Variants in SLC25A26 observed in about 807,000 individuals in gnomAD.
SLC25A26 encodes mitochondrial S-adenosylmethionine carrier protein.
In SLC25A26, 36 loss-of-function variants were observed where a neutral mutation model predicts 37.8. The ratio of observed to expected loss-of-function variants is 0.95; its 90% CI spans 0.73 to 1.26. The LOEUF (loss-of-function observed/expected upper bound fraction) is 1.26, where lower values mean the gene tolerates loss of function less well. Among genes scored for constraint, SLC25A26 ranks in the 50% most tolerant of loss-of-function variants. The pLI, the probability that SLC25A26 is intolerant of heterozygous loss-of-function variation, is 0.00. For missense variants in SLC25A26, 390 were observed against 331.1 expected, an observed-to-expected ratio of 1.18 and a Z score of -1.38; for synonymous variants, 129 against 122.5, an observed-to-expected ratio of 1.05 and a Z score of -0.35.
At chr3:66,234,729 G>C (rs2072192998) in intron 1 of SLC25A26, among the ~76,000 whole-genome samples, 1 of 152,184 alleles carries the variant, frequency 6.6e-6, no homozygotes, top group Admixed American at 6.5e-5. Context: ...TAGGTACCAA[G>C]CTTTGTAGCA....
chr3:66,267,809 A>C (rs1048726187), intron 5 of SLC25A26, among the ~76,000 whole-genome samples: 1 of 152,176 alleles, frequency 6.6e-6, no homozygotes, highest in African/African-American at 2.4e-5. Context: ...AGTTTATTCA[A>C]AAGTGGATAT....
At chr3:66,144,475 C>A (rs759087733) in intron 1 of SLC25A26, among the ~76,000 whole-genome samples, 1 of 152,148 alleles carries the variant, frequency 6.6e-6, no homozygotes, top group Non-Finnish European at 1.5e-5. Context: ...AGATTTTGCC[C>A]ACTGGGTACA....
chr3:66,285,828 C>T (rs1210814957), intron 5 of SLC25A26, among the ~76,000 whole-genome samples: 1 of 152,090 alleles, frequency 6.6e-6, no homozygotes, highest in African/African-American at 2.4e-5. Context: ...CCACATTGCC[C>T]TTCTGGGAGC....
In SLC25A26 at chr3:66,303,459, C is replaced by G. The variant is rs2075131879; in HGVS notation, c.453+40080C>G. Among the ~76,000 whole-genome samples the G allele has an allele frequency of 3.9e-5, 6 of 152,170 alleles. No homozygotes were observed. The South Asian group carries it at 1.2e-3, about 32-fold the overall frequency. On this transcript the variant is annotated intron_variant, in intron 5 of 9. Transcript: ENST00000354883. ...TTGGCTAAAAGTGAGGTGGCTGGAT[C>G]AGATAATCAGCAAGATGCCTTCCAG...
In SLC25A26 at chr3:66,236,108, C is replaced by G. The variant is rs141746358; in HGVS notation, c.34-436C>G. On this transcript the variant is annotated intron_variant, in intron 1 of 9. Coordinates refer to ENST00000354883, the MANE Select transcript of SLC25A26 (RefSeq NM_001379210.1). ...TTTATTTTTTGTAGTGATGATGTCT[C>G]ACTGTGTTGCACAGGCTGGTATTGA... Among the ~76,000 whole-genome samples, 382 of 151,444 alleles carry G rather than the reference C, an allele frequency of 2.5e-3. 1 individual carries two copies. Among genetic ancestry groups the G allele is most frequent in the African/African-American group, 8.6e-3 (355 of 41,250 alleles).
chr3:66,212,088 A>G (rs2106838896), intron 1 of SLC25A26, among the ~76,000 whole-genome samples: 1 of 152,310 alleles, frequency 6.6e-6, no homozygotes, highest in South Asian at 2.1e-4. Context: ...AACTTTTGTT[A>G]CAGTATATTG....
chr3:66,207,331 G>T, intron 1 of SLC25A26, among the ~76,000 whole-genome samples: 1 of 152,222 alleles, frequency 6.6e-6, no homozygotes, highest in Admixed American at 6.5e-5. Context: ...CACTCTTGGT[G>T]CAGTTCCAAC....
intron 6 of SLC25A26, among the ~76,000 whole-genome samples, chr3:66,354,082 A>G (rs552569676): frequency 5.1e-4 from 77 of 152,246 alleles, no homozygotes; most frequent in African/African-American, 1.6e-3. Flanking sequence ...AACCATACAG[A>G]TCTTTTCTTA....
intron 1 of SLC25A26, among the ~76,000 whole-genome samples, chr3:66,175,130 TATATATATATACACAC>T (rs746581411): frequency 0.011 from 982 of 93,500 alleles, 8 homozygotes; most frequent in Non-Finnish European, 0.017. Flanking sequence ...TATATATATA[TATATATATATACACAC>T]ACACACACAC....
intron 5 of SLC25A26, among the ~76,000 whole-genome samples, chr3:66,337,799 C>G (rs764696092): frequency 1.3e-5 from 2 of 151,928 alleles, no homozygotes; most frequent in African/African-American, 4.8e-5. Flanking sequence ...CCATGCAGTA[C>G]CCATCACCAA....
At chr3:66,361,677 C>A (rs1352292639) in intron 6 of SLC25A26, among the ~76,000 whole-genome samples, 1 of 152,138 alleles carries the variant, frequency 6.6e-6, no homozygotes, top group Non-Finnish European at 1.5e-5. Flanking sequence ...CAAATTAAAA[C>A]CACAATGAAG....
intron 3 of SLC25A26, among the ~76,000 whole-genome samples, chr3:66,255,398 G>A (rs1384915102): frequency 1.3e-5 from 2 of 151,838 alleles, no homozygotes; most frequent in African/African-American, 2.4e-5. Context: ...GCAGCATCAT[G>A]ATTTAATCAA....
chr3:66,193,922 G>C (rs1359899607), intron 1 of SLC25A26, among the ~76,000 whole-genome samples: 1 of 152,206 alleles, frequency 6.6e-6, no homozygotes, highest in African/African-American at 2.4e-5. Flanking sequence ...ATTCAATTTA[G>C]GATGATCATT....
intron 1 of SLC25A26, among the ~76,000 whole-genome samples, chr3:66,195,210 A>C: frequency 6.6e-6 from 1 of 152,020 alleles, no homozygotes; most frequent in Non-Finnish European, 1.5e-5. Flanking sequence ...CATACCCCCT[A>C]CCCAGAATCT....
At chr3:66,163,305 G>A (rs996289180) in intron 1 of SLC25A26, among the ~76,000 whole-genome samples, 1 of 152,090 alleles carries the variant, frequency 6.6e-6, no homozygotes, top group African/African-American at 2.4e-5. Context: ...TTCTGTTGTC[G>A]TTTCAAGAGA....
In SLC25A26 at chr3:66,209,891, T is replaced by TATTTATATATATATTTATA. The variant is rs2071254465; in HGVS notation, c.-353-10851_-353-10850insATTTATATATATATTTATA. Among the ~76,000 whole-genome samples, 50 of 54,626 alleles carry TATTTATATATATATTTATA rather than the reference T, an allele frequency of 9.2e-4. 4 individuals are homozygous for TATTTATATATATATTTATA. Among genetic ancestry groups the TATTTATATATATATTTATA allele is most frequent in the African/African-American group, 2.9e-3 (48 of 16,560 alleles). The allele number at this position is 54,626 out of a possible 152,430, so 35.8% of individuals were successfully genotyped here. A position where few individuals can be genotyped will look rare whatever the true frequency, so the allele number is the denominator to read the frequency against. On this transcript the variant is annotated intron_variant, in intron 1 of 10. Transcript: ENST00000676754. ...ATATATATATACTCCTCTCTCTCTC[T>TATTTATATATATATTTATA]CTCTATTTATATATATATATATATA...
chr3:66,239,416 C>A (rs781921597), intron 2 of SLC25A26, among the ~76,000 whole-genome samples: 2 of 152,224 alleles, frequency 1.3e-5, no homozygotes, highest in Non-Finnish European at 2.9e-5. Context: ...CTCTCATCTA[C>A]ATTAGAAATC....
intron 1 of SLC25A26, among the ~76,000 whole-genome samples, chr3:66,210,568 G>A (rs2071271807): frequency 6.6e-6 from 1 of 151,988 alleles, no homozygotes; most frequent in African/African-American, 2.4e-5. Context: ...AGGCTGGAGT[G>A]CAGTGGTGTG....
rs1700785543 is a variant in SLC25A26, at chr3:66,378,108, A to T, written c.*301A>T. ...CCAGGCCTTTTAGAGCTTTCATTTG[A>T]TCTGTATCTGATCTTTCATTTCCTG... On this transcript the variant is annotated 3_prime_UTR_variant, in exon 10 of 10. Coordinates refer to ENST00000354883, the MANE Select transcript of SLC25A26 (RefSeq NM_001379210.1). 3.8e-6 allele frequency: 1 copy of T among 261,714 alleles called. No individual in the cohort carries two copies. The highest frequency in any genetic ancestry group is 2.2e-5 in the African/African-American group (1 of 46,266). 16.2% of individuals were successfully genotyped at this position (261,714 alleles called of 1,614,324 possible).
Sources: gnomAD v4.1 joint callset for allele counts (sites outside exome capture counted in the v4.1 genomes callset) on GRCh38, gnomAD v4.1.1 for gene constraint, MANE v1.5 for transcripts, NCBI Gene and HGNC (gene_info 2026-07-23, HGNC 2026-07-21) for gene names.